FMN1: variants seen among roughly 807,000 people sequenced by gnomAD.
The protein encoded by FMN1 is formin 1, also known as formin-1.
Under a neutral mutation model 132.4 loss-of-function variants are expected in FMN1, and 110 were observed. The ratio of observed to expected loss-of-function variants is 0.83; its 90% CI spans 0.71 to 0.97. The LOEUF (loss-of-function observed/expected upper bound fraction) is 0.97. Among genes scored for constraint, FMN1 ranks in the 50% least tolerant of loss-of-function variants. The pLI, the probability that FMN1 is intolerant of heterozygous loss-of-function variation, is 0.00. For synonymous variants in FMN1, 722 were observed against 651.7 expected (o/e 1.11, Z -1.64); for missense variants, 1,792 against 1,705.3 (o/e 1.05, Z -0.90).
intron 9 of FMN1, among the ~76,000 whole-genome samples, chr15:32,962,699 T>A (rs1459187798): frequency 6.8e-6 from 1 of 147,914 alleles, no homozygotes; most frequent in African/African-American, 2.5e-5. Context: ...AACAGACACT[T>A]CTCAAAAGAA....
intron 10 of FMN1, among the ~76,000 whole-genome samples, chr15:32,912,866 A>G (rs928047771): frequency 1.3e-5 from 2 of 152,204 alleles, no homozygotes; most frequent in Non-Finnish European, 2.9e-5. Flanking sequence ...TAGTGAAAAT[A>G]TTAAGTGAGG....
chr15:32,804,824 T>C (rs1432233058), intron 17 of FMN1, among the ~76,000 whole-genome samples: 1 of 152,190 alleles, frequency 6.6e-6, no homozygotes, highest in Non-Finnish European at 1.5e-5. Flanking sequence ...TCCGTGTCCC[T>C]GCAAAGGGCA....
chr15:32,994,134 T>C (rs1046146880), intron 7 of FMN1, among the ~76,000 whole-genome samples: 1 of 152,008 alleles, frequency 6.6e-6, no homozygotes, highest in Non-Finnish European at 1.5e-5. Context: ...CAATTTGTGC[T>C]TTATCCAGAG....
chr15:32,969,340 C>G lies in FMN1; in HGVS notation c.2361G>C (p.Val787=). The change falls in exon 8 of 21, where the codon GTG becomes GTC. Residue 787 remains valine (V), a synonymous_variant. Transcript: ENST00000616417. ...WRGGCEERKD[V]CISTDDDCPP... The stretch of plus-strand genomic sequence containing the variant: ...GGCAGTCATCATCGGTGGAAATGCA[C>G]ACATCTTTCCTCTCTTCACAACCCC... 6.2e-7 allele frequency: 1 copy of G among 1,613,966 alleles called. No individual in the cohort carries two copies. The highest frequency in any genetic ancestry group is 8.5e-7 in the Non-Finnish European group (1 of 1,179,882).
chr15:33,133,547 C>A (rs969227440), intron 4 of FMN1, among the ~76,000 whole-genome samples: 1 of 152,186 alleles, frequency 6.6e-6, no homozygotes, highest in African/African-American at 2.4e-5. Context: ...TAAGGAAAGT[C>A]ACTCTCTGGA....
chr15:32,974,068 A>G (rs982449278), intron 7 of FMN1, among the ~76,000 whole-genome samples: 12 of 152,210 alleles, frequency 7.9e-5, no homozygotes, highest in African/African-American at 2.9e-4. Flanking sequence ...AACTACAGAT[A>G]ATGCCAGGTC....
chr15:33,176,781 G>A (rs16966230), intron 3 of FMN1, among the ~76,000 whole-genome samples: 6,906 of 152,180 alleles, frequency 0.045, 212 homozygotes, highest in East Asian at 0.12. Flanking sequence ...TCACCCTGTC[G>A]GTGGAGAATG....
intron 3 of FMN1, among the ~76,000 whole-genome samples, chr15:33,156,260 T>A (rs1040593201): frequency 2.7e-5 from 4 of 149,270 alleles, no homozygotes; most frequent in African/African-American, 9.9e-5. Context: ...ATGGGGCTGT[T>A]CTCACTCAAG....
rs566108382 is a variant in FMN1 at position 32,966,045 on chromosome 15, G to A, written c.2988-1788C>T. ...GCTGGGAATTCTGGAGTGAGCATGC[G>A]GCATGTTAAGGGCCACTGGTCTGGG... On this transcript the variant is annotated intron_variant, in intron 8 of 20. Coordinates refer to ENST00000616417, the MANE Select transcript of FMN1 (RefSeq NM_001277313.2). Among the ~76,000 whole-genome samples the A allele has an allele frequency of 4.6e-5, 7 of 152,230 alleles. No homozygotes were observed. The South Asian group carries it at 8.3e-4, about 18-fold the overall frequency.
intron 2 of FMN1, among the ~76,000 whole-genome samples, chr15:33,185,291 G>A (rs1292752312): frequency 1.3e-5 from 2 of 152,092 alleles, no homozygotes; most frequent in Non-Finnish European, 2.9e-5. Flanking sequence ...ATTTATTTGG[G>A]AAAAGTTTGG....
intron 17 of FMN1, among the ~76,000 whole-genome samples, chr15:32,813,297 C>T (rs749113880): frequency 6.6e-5 from 10 of 152,224 alleles, no homozygotes; most frequent in Admixed American, 2.6e-4. Context: ...AGTCTGTGAT[C>T]AATAGTAACT....
rs113816676 is a variant in FMN1 at position 33,095,539 on chromosome 15, T to C, written c.1868-6565A>G. Among the ~76,000 whole-genome samples, 1,097 of 152,094 alleles carry C rather than the reference T, an allele frequency of 7.2e-3. 11 individuals are homozygous for C. Among genetic ancestry groups the C allele is most frequent in the African/African-American group, 0.025 (1,029 of 41,498 alleles). On this transcript the variant is annotated intron_variant, in intron 4 of 20. Coordinates refer to ENST00000616417, the MANE Select transcript of FMN1 (RefSeq NM_001277313.2). ...CCTCCCAAGTAGCTGGGACAACAGG[T>C]GTGCACCACCACACAAGGCTAGTTT...
At chr15:32,893,914 T>A (rs1161937050) in intron 15 of FMN1, among the ~76,000 whole-genome samples, 1 of 152,228 alleles carries the variant, frequency 6.6e-6, no homozygotes, top group Non-Finnish European at 1.5e-5. Flanking sequence ...AATCTGCCCA[T>A]GCCAACCTAG....
intron 4 of FMN1, among the ~76,000 whole-genome samples, chr15:33,131,023 C>T (rs2468742): frequency 0.89 from 134,895 of 152,224 alleles, 59,872 homozygotes; most frequent in East Asian, 0.97. Context: ...TGAAAGAGCA[C>T]TGTAAACTGT....
chr15:33,046,779 A>G (rs1395160295), intron 6 of FMN1, among the ~76,000 whole-genome samples: 1 of 152,200 alleles, frequency 6.6e-6, no homozygotes, highest in Admixed American at 6.5e-5. Flanking sequence ...GGTTGAATGA[A>G]TGGTAAAAAT....
intron 17 of FMN1, among the ~76,000 whole-genome samples, chr15:32,849,519 A>G (rs1016949334): frequency 6.6e-6 from 1 of 152,222 alleles, no homozygotes; most frequent in African/African-American, 2.4e-5. Flanking sequence ...CCATAATTTC[A>G]CAACTCCATT....
chr15:33,110,638 TTC>T (rs1302471109), intron 4 of FMN1, among the ~76,000 whole-genome samples: 1 of 151,578 alleles, frequency 6.6e-6, no homozygotes, highest in Admixed American at 6.6e-5. Context: ...ACATTGACGC[TTC>T]TTTTTCTTTT....
At chr15:32,980,521 TA>T (rs2032570613) in intron 7 of FMN1, among the ~76,000 whole-genome samples, 1 of 152,220 alleles carries the variant, frequency 6.6e-6, no homozygotes, top group South Asian at 2.1e-4. Flanking sequence ...TTGTGATTTT[TA>T]AAACTGTACA....
At chr15:32,998,052 G>A (rs1180709879) in intron 7 of FMN1, among the ~76,000 whole-genome samples, 1 of 152,204 alleles carries the variant, frequency 6.6e-6, no homozygotes, top group Non-Finnish European at 1.5e-5. Flanking sequence ...AAGTAGAGGA[G>A]ACTGGCTATA....
Sources: gnomAD v4.1 joint callset for allele counts (sites outside exome capture counted in the v4.1 genomes callset) on GRCh38, gnomAD v4.1.1 for gene constraint, MANE v1.5 for transcripts, NCBI Gene and HGNC (gene_info 2026-07-23, HGNC 2026-07-21) for gene names.